Variants in PRKG1 observed in about 807,000 individuals in gnomAD.
PRKG1 encodes cGMP-dependent protein kinase 1.
Under a neutral mutation model 88.1 loss-of-function variants are expected in PRKG1, and 35 were observed. The ratio of observed to expected loss-of-function variants is 0.40; its 90% CI spans 0.30 to 0.53. PRKG1 has a LOEUF of 0.53. PRKG1 is among the 20% of genes least tolerant of loss of function. PRKG1 has a pLI of 0.59. For synonymous variants in PRKG1, 303 were observed against 292.5 expected (o/e 1.04, Z -0.37); for missense variants, 540 against 839.8 (o/e 0.64, Z 4.41).
chr10:52,089,970 A>G (rs892894079), intron 7 of PRKG1, among the ~76,000 whole-genome samples: 1 of 151,810 alleles, frequency 6.6e-6, no homozygotes, highest in African/African-American at 2.4e-5. Context: ...ATGTGCCACC[A>G]TGCCTAGCTA....
chr10:51,072,778 A>G (rs1843851095), upstream of PRKG1, among the ~76,000 whole-genome samples: 1 of 152,122 alleles, frequency 6.6e-6, no homozygotes, highest in African/African-American at 2.4e-5. Flanking sequence ...TCTAATTAAA[A>G]ACAAGGACAC....
intron 1 of PRKG1, among the ~76,000 whole-genome samples, chr10:51,007,078 A>T (rs986840226): frequency 2.0e-5 from 3 of 151,692 alleles, no homozygotes; most frequent in Non-Finnish European, 4.4e-5. Flanking sequence ...AGCTGGGATT[A>T]CAGGTGCCCA....
intron 3 of PRKG1, among the ~76,000 whole-genome samples, chr10:51,468,789 T>G (rs562884222): frequency 6.6e-6 from 1 of 151,982 alleles, no homozygotes; most frequent in East Asian, 1.9e-4. Context: ...GTTGACTACT[T>G]TTTGTATTAG....
intron 8 of PRKG1, among the ~76,000 whole-genome samples, chr10:52,146,357 C>T (rs539507319): frequency 3.9e-5 from 6 of 152,192 alleles, no homozygotes; most frequent in African/African-American, 9.6e-5. Flanking sequence ...TTTTCTCCTG[C>T]GTTGTCTACA....
intron 1 of PRKG1, among the ~76,000 whole-genome samples, chr10:51,004,422 G>A (rs1842920848): frequency 6.6e-6 from 1 of 152,144 alleles, no homozygotes; most frequent in South Asian, 2.1e-4. Context: ...TTGTGCCATT[G>A]CACTCCAGCC....
At chr10:51,866,816 C>T (rs1841025875) in intron 4 of PRKG1, among the ~76,000 whole-genome samples, 1 of 152,168 alleles carries the variant, frequency 6.6e-6, no homozygotes, top group South Asian at 2.1e-4. Context: ...TTCCTGAAAA[C>T]TTTCTTTATA....
chr10:51,733,484 T>A (rs541551169), intron 3 of PRKG1, among the ~76,000 whole-genome samples: 1 of 152,310 alleles, frequency 6.6e-6, no homozygotes, highest in South Asian at 2.1e-4. Flanking sequence ...GAACCAATGA[T>A]CTGAAATTTA....
intron 2 of PRKG1, among the ~76,000 whole-genome samples, chr10:51,278,167 C>T (rs929330519): frequency 4.6e-5 from 7 of 152,170 alleles, no homozygotes; most frequent in South Asian, 2.1e-4. Flanking sequence ...GCATGAAGGG[C>T]TGTTGAATTT....
chr10:51,214,143 A>G (rs1305979647), intron 2 of PRKG1, among the ~76,000 whole-genome samples: 1 of 152,148 alleles, frequency 6.6e-6, no homozygotes, highest in Non-Finnish European at 1.5e-5. Flanking sequence ...GATTCCCCTA[A>G]AAGCCCTTTT....
chr10:51,940,620 C>A (rs1007803794), intron 5 of PRKG1, among the ~76,000 whole-genome samples: 22 of 151,882 alleles, frequency 1.4e-4, no homozygotes, highest in African/African-American at 4.4e-4. Flanking sequence ...GGATCCCAGA[C>A]ATCAAGCTTT....
intron 3 of PRKG1, among the ~76,000 whole-genome samples, chr10:51,547,154 T>C (rs1348633702): frequency 6.6e-6 from 1 of 152,074 alleles, no homozygotes; most frequent in Non-Finnish European, 1.5e-5. Context: ...TAAATGACTT[T>C]TATAAATTTG....
Position 52,156,300 on chromosome 10 carries a change from G to A in PRKG1, c.1002-5589G>A, listed in dbSNP as rs144937759. Among the ~76,000 whole-genome samples, 26 of 151,950 alleles carry A rather than the reference G, an allele frequency of 1.7e-4. No individual in the cohort carries two copies. In the East Asian group the frequency reaches 4.6e-3, roughly 27 times the overall value. On this transcript the variant is annotated intron_variant, in intron 8 of 17. Transcript: ENST00000373980. ...AGTAGATGAAATTATTTTTATGCAC[G>A]CTATAGCCTTCCTTCTGATAAGCAT...
chr10:51,312,273 G>A (rs1271649500), intron 2 of PRKG1, among the ~76,000 whole-genome samples: 3 of 152,098 alleles, frequency 2.0e-5, no homozygotes, highest in Non-Finnish European at 4.4e-5. Flanking sequence ...CTTAGAATAT[G>A]GTCATTCACT....
At chr10:51,290,130 C>T (rs111760024) in intron 2 of PRKG1, among the ~76,000 whole-genome samples, 2,023 of 152,162 alleles carry the variant, frequency 0.013, 41 homozygotes, top group African/African-American at 0.046. Flanking sequence ...TCATGTTGGA[C>T]ACAGGAGGCT....
chr10:51,320,189 G>A (rs1268770611), intron 2 of PRKG1: 1 of 159,336 alleles, frequency 6.3e-6, no homozygotes, highest in African/African-American at 2.4e-5. Flanking sequence ...TGTACAATTT[G>A]AATGAGAATT....
intron 2 of PRKG1, among the ~76,000 whole-genome samples, chr10:51,385,857 T>C (rs1163411477): frequency 1.3e-5 from 2 of 152,198 alleles, no homozygotes; most frequent in African/African-American, 4.8e-5. Flanking sequence ...CCTAGTTTTC[T>C]TTTTCCTCTC....
At chr10:52,236,448 G>A (rs1840688804) in intron 9 of PRKG1, among the ~76,000 whole-genome samples, 4 of 40,018 alleles carry the variant, frequency 1.0e-4, no homozygotes, top group African/African-American at 3.0e-4. Flanking sequence ...AAAGAGAGAA[G>A]AATCAAATAG....
At chr10:52,279,046 A>T (rs573144485) in intron 12 of PRKG1, among the ~76,000 whole-genome samples, 1 of 152,182 alleles carries the variant, frequency 6.6e-6, no homozygotes, top group Non-Finnish European at 1.5e-5. Flanking sequence ...AGCTAAAGCT[A>T]TATATTAATT....
intron 1 of PRKG1, among the ~76,000 whole-genome samples, chr10:51,105,757 T>C (rs912553122): frequency 2.0e-5 from 3 of 152,198 alleles, no homozygotes; most frequent in African/African-American, 7.2e-5. Context: ...ATAATTACTA[T>C]AACAATCAAT....
Sources: allele counts gnomAD v4.1 joint callset (sites outside exome capture counted in the v4.1 genomes callset), GRCh38; gene constraint gnomAD v4.1.1; transcripts MANE v1.5; gene names NCBI Gene and HGNC (gene_info 2026-07-23, HGNC 2026-07-21).